TSHZ2: variants seen among roughly 807,000 people sequenced by gnomAD.
The protein encoded by TSHZ2 is teashirt zinc finger homeobox 2.
Under a neutral mutation model 74.4 loss-of-function variants are expected in TSHZ2, and 21 were observed. The observed-to-expected ratio is 0.28, with a 90% confidence interval of 0.20 to 0.41. TSHZ2 has a LOEUF of 0.41. Ranked by LOEUF, TSHZ2 falls within the 10% of genes least tolerant of loss-of-function variation. The probability of loss-of-function intolerance (pLI) is 1.00; values close to 1 mark genes in which losing one functional copy is unlikely to be tolerated. For synonymous variants in TSHZ2, 540 were observed against 515.3 expected (o/e 1.05, Z -0.65); for missense variants, 1,244 against 1,293.5 (o/e 0.96, Z 0.59).
intron 1 of TSHZ2, among the ~76,000 whole-genome samples, chr20:53,066,284 T>C (rs1984983951): frequency 6.6e-6 from 1 of 152,126 alleles, no homozygotes; most frequent in Admixed American, 6.5e-5. Flanking sequence ...AAGGAGGCCC[T>C]GCAAGTAGCA....
intron 2 of TSHZ2, among the ~76,000 whole-genome samples, chr20:53,281,993 A>T (rs1338815668): frequency 2.6e-5 from 4 of 152,214 alleles, no homozygotes; most frequent in Admixed American, 6.5e-5. Flanking sequence ...AGGTGCACCT[A>T]TTAGAAAGTA....
chr20:53,311,767 T>C (rs1217035586), intron 2 of TSHZ2, among the ~76,000 whole-genome samples: 2 of 152,196 alleles, frequency 1.3e-5, no homozygotes, highest in Non-Finnish European at 2.9e-5. Context: ...GTCAATGCCT[T>C]ATTTGAATGA....
At chr20:53,216,217 ATCTGTTC>A (rs71194465) in intron 1 of TSHZ2, among the ~76,000 whole-genome samples, 12,627 of 152,222 alleles carry the variant, frequency 0.083, 729 homozygotes, top group Middle Eastern at 0.17. Flanking sequence ...TGTCCCTGTC[ATCTGTTC>A]TCACCTTGCA....
chr20:53,129,342 G>T (rs1987037409), intron 1 of TSHZ2, among the ~76,000 whole-genome samples: 2 of 151,954 alleles, frequency 1.3e-5, no homozygotes, highest in African/African-American at 2.4e-5. Context: ...TTTTGATCTA[G>T]GCATACAGGG....
At chr20:52,998,832 A>G (rs1486010905) in intron 1 of TSHZ2, among the ~76,000 whole-genome samples, 1 of 152,180 alleles carries the variant, frequency 6.6e-6, no homozygotes, top group Non-Finnish European at 1.5e-5. Flanking sequence ...ATAATTAGGA[A>G]TATTGTAGGC....
chr20:53,368,177 A>T (rs1006353295), intron 2 of TSHZ2, among the ~76,000 whole-genome samples: 1 of 150,882 alleles, frequency 6.6e-6, no homozygotes, highest in African/African-American at 2.4e-5. Context: ...TTTTACTTGG[A>T]GGTAGGGTTT....
At chr20:53,317,741 G>A (rs1400397242) in intron 2 of TSHZ2, among the ~76,000 whole-genome samples, 1 of 152,170 alleles carries the variant, frequency 6.6e-6, no homozygotes, top group Non-Finnish European at 1.5e-5. Flanking sequence ...CTTACAGAGA[G>A]CAGCCCCTTT....
intron 2 of TSHZ2, among the ~76,000 whole-genome samples, chr20:53,260,460 C>T (rs1990580666): frequency 6.6e-6 from 1 of 152,038 alleles, no homozygotes; most frequent in Admixed American, 6.5e-5. Flanking sequence ...ATAACCAGGA[C>T]AAGAGTCTGC....
chr20:53,009,090 A>G (rs374935385), intron 1 of TSHZ2, among the ~76,000 whole-genome samples: 57 of 150,098 alleles, frequency 3.8e-4, no homozygotes, highest in African/African-American at 1.4e-3. Context: ...ACAATTTGGG[A>G]GGCCAAAGTA....
intron 1 of TSHZ2, among the ~76,000 whole-genome samples, chr20:53,191,400 C>T (rs773439312): frequency 1.3e-5 from 2 of 152,182 alleles, no homozygotes; most frequent in Admixed American, 6.5e-5. Context: ...TGGTGGCTCA[C>T]GCTTGTAATC....
chr20:53,018,568 CTG>C (rs1244959374), intron 1 of TSHZ2, among the ~76,000 whole-genome samples: 1 of 152,214 alleles, frequency 6.6e-6, no homozygotes. Context: ...TTGAATGCCC[CTG>C]TGTCACCTTG....
chr20:53,255,634 A>C lies in TSHZ2; in HGVS notation c.2176A>C (p.Ile726Leu). Residue 726 changes from isoleucine (I) to leucine (L), a missense_variant, in exon 2 of 3, where the codon ATT becomes CTT. Coordinates refer to ENST00000371497, the MANE Select transcript of TSHZ2 (RefSeq NM_173485.6). The surrounding 1 kb of genome is among the most constrained non-coding windows in gnomAD (Gnocchi z 4.1). ...PSCSSPSSST[I>L]SMFHKSNLNV... Reference sequence around the variant, plus strand: ...CTGCTCCAGCCCAAGTTCAAGCACAATTTCCATGTTCCACAAGTCGAATCT... The same window carrying C: ...CTGCTCCAGCCCAAGTTCAAGCACACTTTCCATGTTCCACAAGTCGAATCT... The C allele has an allele frequency of 6.3e-7, 1 of 1,576,112 alleles. No individual in the cohort carries two copies. Among genetic ancestry groups the C allele is most frequent in the Non-Finnish European group, 8.6e-7 (1 of 1,162,114 alleles).
chr20:53,428,836 C>T (rs1370000195), intron 2 of TSHZ2, among the ~76,000 whole-genome samples: 5 of 152,166 alleles, frequency 3.3e-5, no homozygotes, highest in Admixed American at 2.0e-4. Context: ...TGACAGGCAT[C>T]GCAGGTCAGG....
At chr20:53,227,804 G>GAGCTATATC (rs1989718514) in intron 1 of TSHZ2, among the ~76,000 whole-genome samples, 1 of 152,120 alleles carries the variant, frequency 6.6e-6, no homozygotes, top group Non-Finnish European at 1.5e-5. Flanking sequence ...GATCTGTTCA[G>GAGCTATATC]AGCTATATCA....
intron 2 of TSHZ2, among the ~76,000 whole-genome samples, chr20:53,308,545 C>T (rs1978645388): frequency 6.6e-6 from 1 of 152,008 alleles, no homozygotes; most frequent in South Asian, 2.1e-4. Context: ...TGATCCATGT[C>T]GAATGCACGT....
intron 1 of TSHZ2, among the ~76,000 whole-genome samples, chr20:53,252,653 C>A (rs1490428818): frequency 6.6e-6 from 1 of 152,170 alleles, no homozygotes; most frequent in African/African-American, 2.4e-5. Context: ...TTTGCATCTA[C>A]AAATCAAATA....
At chr20:53,235,551 C>T (rs1323224228) in intron 1 of TSHZ2, among the ~76,000 whole-genome samples, 1 of 152,146 alleles carries the variant, frequency 6.6e-6, no homozygotes, top group South Asian at 2.1e-4. Context: ...AAATCCCTCA[C>T]ATAAATGTAA....
intron 1 of TSHZ2, among the ~76,000 whole-genome samples, chr20:53,103,553 T>C (rs774657832): frequency 1.3e-5 from 2 of 152,146 alleles, no homozygotes; most frequent in African/African-American, 4.8e-5. Context: ...AGCTTGGTTT[T>C]GAAACAGGAA....
At chr20:53,131,021 T>A (rs568834432) in intron 1 of TSHZ2, among the ~76,000 whole-genome samples, 1 of 152,226 alleles carries the variant, frequency 6.6e-6, no homozygotes, top group Non-Finnish European at 1.5e-5. Context: ...GTGACTAATA[T>A]CACTTTCAGT....
Sources: gnomAD v4.1 joint callset for allele counts (sites outside exome capture counted in the v4.1 genomes callset) on GRCh38, gnomAD v4.1.1 for gene constraint, Gnocchi (gnomAD v3.1) non-coding constraint, MANE v1.5 for transcripts, NCBI Gene and HGNC (gene_info 2026-07-23, HGNC 2026-07-21) for gene names.